IKZF2: variants seen among roughly 807,000 people sequenced by gnomAD.
IKZF2 encodes the protein zinc finger protein Helios.
IKZF2 carries 15 observed loss-of-function variants against 49.2 expected under a neutral mutation model. That is an observed-to-expected ratio of 0.30 (90% CI 0.20 to 0.47). IKZF2 has a LOEUF of 0.47. Among genes scored for constraint, IKZF2 ranks in the 20% least tolerant of loss-of-function variants. IKZF2 has a pLI of 1.00. For missense variants in IKZF2, 567 were observed against 664.6 expected, an observed-to-expected ratio of 0.85 and a Z score of 1.61; for synonymous variants, 227 against 221.4, an observed-to-expected ratio of 1.03 and a Z score of -0.23.
At chr2:213,129,711 C>A (rs2060409720) in intron 4 of IKZF2, among the ~76,000 whole-genome samples, 1 of 152,096 alleles carries the variant, frequency 6.6e-6, no homozygotes, top group Non-Finnish European at 1.5e-5. Flanking sequence ...GGAAAACAAA[C>A]TACAGAGAAG....
chr2:213,008,205 G>A (rs1695560352), intron 8 of IKZF2, 121 bp from the exon 9 acceptor site: 1 of 1,188,444 alleles, frequency 8.4e-7, no homozygotes, highest in Non-Finnish European at 1.2e-6. Flanking sequence ...TCATAATTTG[G>A]TATATATTAC....
chr2:213,033,523 A>G (rs879439046), intron 6 of IKZF2, among the ~76,000 whole-genome samples: 11 of 152,256 alleles, frequency 7.2e-5, no homozygotes, highest in African/African-American at 2.7e-4. Flanking sequence ...GGGCTGAAGA[A>G]TATATGCTGT....
chr2:213,053,651 C>T (rs1258261113), intron 5 of IKZF2, among the ~76,000 whole-genome samples: 1 of 152,050 alleles, frequency 6.6e-6, no homozygotes, highest in Admixed American at 6.6e-5. Context: ...TAAGGAGAGG[C>T]AAAATTAGGG....
intron 6 of IKZF2, among the ~76,000 whole-genome samples, chr2:213,047,394 T>C (rs776274260): frequency 3.9e-5 from 6 of 152,084 alleles, no homozygotes; most frequent in African/African-American, 1.2e-4. Context: ...TTCTACAGGA[T>C]ATTATATATG....
rs962203010 is a variant in IKZF2 at position 213,096,644 on chromosome 2, T to C, written c.140-39545A>G. 7.2e-5 allele frequency among the ~76,000 whole-genome samples: 11 copies of C among 152,014 alleles called. No homozygotes were observed. The East Asian group carries it at 2.1e-3, about 29-fold the overall frequency. ...TACCGAAAGTAATTTCCAATAATAA[T>C]ACTCCAGTGTCTACTTTTGTGGATA... On this transcript the variant is annotated intron_variant, in intron 4 of 8. Transcript: ENST00000434687.
chr2:213,115,623 C>G (rs2059846014), intron 4 of IKZF2, among the ~76,000 whole-genome samples: 1 of 152,198 alleles, frequency 6.6e-6, no homozygotes, highest in Non-Finnish European at 1.5e-5. Flanking sequence ...ATAATTTGAA[C>G]TCCTGCCTTA....
intron 4 of IKZF2, among the ~76,000 whole-genome samples, chr2:213,122,918 G>A (rs2060105713): frequency 6.6e-6 from 1 of 152,202 alleles, no homozygotes; most frequent in South Asian, 2.1e-4. Flanking sequence ...CCTGTTAAAT[G>A]TGAGTGAGTC....
chr2:213,126,348 C>A (rs2060258780), intron 4 of IKZF2, among the ~76,000 whole-genome samples: 1 of 152,106 alleles, frequency 6.6e-6, no homozygotes, highest in Admixed American at 6.6e-5. Flanking sequence ...AATCTAAGCT[C>A]CTTTGAGAGT....
chr2:213,141,587 G>A (rs1268312329), intron 4 of IKZF2, among the ~76,000 whole-genome samples: 1 of 151,730 alleles, frequency 6.6e-6, no homozygotes, highest in East Asian at 1.9e-4. Context: ...TTATTGAAAA[G>A]GCCTTCCAGT....
At chr2:213,097,003 G>C (rs1445526880) in intron 4 of IKZF2, among the ~76,000 whole-genome samples, 1 of 151,754 alleles carries the variant, frequency 6.6e-6, no homozygotes, top group East Asian at 1.9e-4. Context: ...TAATTCCTGA[G>C]ATTACAAAAG....
rs1345217243 is a variant in IKZF2 at position 213,147,715 on chromosome 2, C to A, written c.132G>T (p.Met44Ile). 1.2e-6 allele frequency: 2 copies of A among 1,612,518 alleles called. No individual in the cohort carries two copies. Among genetic ancestry groups the A allele is most frequent in the South Asian group, 2.2e-5 (2 of 91,066 alleles). Residue 44 changes from methionine to isoleucine, a missense_variant, in exon 4 of 9, where the codon ATG becomes ATT. Met to Ile is a conservative substitution (Grantham distance 10, BLOSUM62 1). Coordinates refer to ENST00000434687, the MANE Select transcript of IKZF2 (RefSeq NM_001387220.1). Reference protein sequence around the residue: ...PNGQHASPSHMTSTNSVKLEM... With the variant: ...PNGQHASPSHITSTNSVKLEM... ...CATAAAATGAAGACTTACTGCTTGT[C>A]ATGTGACTTGGTGAGGCATGCTGTC... is the stretch of plus-strand genomic sequence containing the variant.
intron 8 of IKZF2, among the ~76,000 whole-genome samples, chr2:213,008,894 T>C (rs1047567047): frequency 2.0e-5 from 3 of 152,136 alleles, no homozygotes; most frequent in African/African-American, 7.2e-5. Flanking sequence ...AACCCATATA[T>C]GTCATTCTGG....
At chr2:213,075,722 T>C (rs1393374797) in intron 4 of IKZF2, among the ~76,000 whole-genome samples, 1 of 152,146 alleles carries the variant, frequency 6.6e-6, no homozygotes, top group Non-Finnish European at 1.5e-5. Flanking sequence ...AAGTAGTTTA[T>C]GTTAAACACA....
intron 4 of IKZF2, among the ~76,000 whole-genome samples, chr2:213,080,224 A>G (rs1703795339): frequency 6.6e-6 from 1 of 152,114 alleles, no homozygotes; most frequent in African/African-American, 2.4e-5. Flanking sequence ...ATCTTGTCAT[A>G]TTCTGTTATG....
chr2:213,064,621 T>A (rs1184166681), intron 4 of IKZF2, among the ~76,000 whole-genome samples: 1 of 151,988 alleles, frequency 6.6e-6, no homozygotes, highest in Admixed American at 6.6e-5. Context: ...GCAGAGAAAA[T>A]AAACCTACTT....
At position 213,000,789 on chromosome 2, in the gene IKZF2, T is replaced by C. The variant is rs1385556568; in HGVS notation, c.*6571A>G. 1 of 151,796 alleles carries C rather than the reference T, an allele frequency of 6.6e-6. No individual in the cohort carries two copies. Among genetic ancestry groups the C allele is most frequent in the Admixed American group, 6.6e-5 (1 of 15,156 alleles). The allele number at this position is 151,796 out of a possible 1,614,324, so 9.4% of individuals were successfully genotyped here. ...TAAAAGGGGAGAAGTAAAATAAAAA[T>C]ATTAAGTATTAGGTTCTTAATTTAG... On this transcript the variant is annotated 3_prime_UTR_variant, in exon 9 of 9. Coordinates refer to ENST00000434687, the MANE Select transcript of IKZF2 (RefSeq NM_001387220.1).
Position 213,057,035 on chromosome 2 carries a change from T to C in IKZF2, c.204A>G (p.Glu68=). The C allele has an allele frequency of 1.9e-6, 3 of 1,613,894 alleles. No individual in the cohort carries two copies. Among genetic ancestry groups the C allele is most frequent in the Non-Finnish European group, 2.5e-6 (3 of 1,179,870 alleles). Reference sequence around the variant, plus strand: ...CCTCATCATGGCCCCTGATCTCATCTTCACGGCTCAGGGGTTTCCTGTCAC... The same window carrying C: ...CCTCATCATGGCCCCTGATCTCATCCTCACGGCTCAGGGGTTTCCTGTCAC... ...EECDRKPLSR[E]DEIRGHDEGS... is the part of the protein sequence containing the mutation. The change falls in exon 5 of 9, where the codon GAA becomes GAG. Residue 68 remains glutamate (E), a synonymous_variant. Coordinates refer to ENST00000434687, the MANE Select transcript of IKZF2 (RefSeq NM_001387220.1).
intron 6 of IKZF2, among the ~76,000 whole-genome samples, chr2:213,029,597 G>A (rs574344633): frequency 1.3e-4 from 19 of 151,882 alleles, no homozygotes; most frequent in East Asian, 1.9e-4. Flanking sequence ...ATCAGTCTTC[G>A]ATTTCACTTA....
At position 213,059,412 on chromosome 2, in the gene IKZF2, T is replaced by C. The variant is rs1427762909; in HGVS notation, c.140-2313A>G. On this transcript the variant is annotated intron_variant, in intron 4 of 8. Coordinates refer to ENST00000434687, the MANE Select transcript of IKZF2 (RefSeq NM_001387220.1). ...TCTATATCTTGCATCAACAGGTTTT[T>C]CCATAATCTAAGTAATTCTTCCATG... Among the ~76,000 whole-genome samples the C allele has an allele frequency of 2.0e-5, 3 of 151,826 alleles. No individual in the cohort carries two copies. In the East Asian group the frequency reaches 5.8e-4, roughly 29 times the overall value.
Sources: allele counts gnomAD v4.1 joint callset (sites outside exome capture counted in the v4.1 genomes callset), GRCh38; gene constraint gnomAD v4.1.1; transcripts MANE v1.5; gene names NCBI Gene and HGNC (gene_info 2026-07-23, HGNC 2026-07-21).